Variants in PTCSC3 observed in about 807,000 individuals in gnomAD.
PTCSC3 encodes papillary thyroid carcinoma susceptibility candidate 3, also known as papillary thyroid carcinoma susceptibility candidate 3 (non-protein coding).
chr14:36,149,764 A>T (rs1658339419), intron 3 of PTCSC3, among the ~76,000 whole-genome samples: 1 of 152,196 alleles, frequency 6.6e-6, no homozygotes, highest in Non-Finnish European at 1.5e-5. Flanking sequence ...TCTGAAATCA[A>T]CGTAGCTTCT....
chr14:36,156,387 AC>A (rs1361173034), intron 2 of PTCSC3, among the ~76,000 whole-genome samples: 2 of 152,202 alleles, frequency 1.3e-5, no homozygotes, highest in East Asian at 3.9e-4. Context: ...TTACTTTGTC[AC>A]CAAAAAGAAT....
intron 1 of PTCSC3, chr14:36,164,000 C>A (rs915681365): frequency 6.6e-6 from 1 of 152,126 alleles, no homozygotes; most frequent in Admixed American, 6.5e-5. Context: ...TATATATGCA[C>A]CACATAGATG....
At chr14:36,149,935 AT>A (rs1453837930) in intron 3 of PTCSC3, among the ~76,000 whole-genome samples, 3 of 152,160 alleles carry the variant, frequency 2.0e-5, no homozygotes, top group African/African-American at 4.8e-5. Context: ...TTTGTATTAT[AT>A]TTACAGGTTG....
intron 1 of PTCSC3, among the ~76,000 whole-genome samples, chr14:36,175,243 G>A (rs1882262508): frequency 6.6e-6 from 1 of 152,202 alleles, no homozygotes; most frequent in African/African-American, 2.4e-5. Flanking sequence ...CAGGCACAGA[G>A]CTGAGGCAAT....
At chr14:36,139,119 T>TAAAAAAAAA (rs370864635) in intron 3 of PTCSC3, among the ~76,000 whole-genome samples, 4 of 106,598 alleles carry the variant, frequency 3.8e-5, no homozygotes, top group Non-Finnish European at 5.4e-5. Flanking sequence ...ATCTCAAAAA[T>TAAAAAAAAA]AAAAAAAAAA....
At chr14:36,175,676 G>C (rs1053869179) in intron 1 of PTCSC3, among the ~76,000 whole-genome samples, 81 of 152,200 alleles carry the variant, frequency 5.3e-4, no homozygotes, top group African/African-American at 1.9e-3. Flanking sequence ...CCACTCCTTA[G>C]AGTTATGACT....
chr14:36,159,222 G>A (rs1316638190), intron 2 of PTCSC3, among the ~76,000 whole-genome samples: 1 of 86,492 alleles, frequency 1.2e-5, no homozygotes. Flanking sequence ...TTTTTTGAAG[G>A]GTTTTTTTTG....
At chr14:36,166,895 C>A (rs1357214011) in intron 1 of PTCSC3, among the ~76,000 whole-genome samples, 2 of 152,100 alleles carry the variant, frequency 1.3e-5, no homozygotes, top group Non-Finnish European at 2.9e-5. Flanking sequence ...TGCAGTTCTC[C>A]TAATAGAGTT....
intron 3 of PTCSC3, among the ~76,000 whole-genome samples, chr14:36,148,225 A>G (rs1881633478): frequency 6.6e-6 from 1 of 152,056 alleles, no homozygotes. Flanking sequence ...TGTTTACCTA[A>G]GCAAGCCTGG....
chr14:36,147,954 T>C (rs7152952), intron 3 of PTCSC3, among the ~76,000 whole-genome samples: 1 of 151,888 alleles, frequency 6.6e-6, no homozygotes, highest in Non-Finnish European at 1.5e-5. Flanking sequence ...GCTCGGGGGG[T>C]GCCTCCCAGT....
At chr14:36,167,916 C>T (rs1882121384) in intron 1 of PTCSC3, among the ~76,000 whole-genome samples, 2 of 152,102 alleles carry the variant, frequency 1.3e-5, no homozygotes, top group Admixed American at 1.3e-4. Context: ...GGTATTTACA[C>T]ACCAAGCTTC....
chr14:36,156,560 C>CT (rs2139102146), intron 2 of PTCSC3, among the ~76,000 whole-genome samples: 1 of 152,274 alleles, frequency 6.6e-6, no homozygotes, highest in Admixed American at 6.5e-5. Context: ...TATCTCTCCC[C>CT]TAGCCCCCAA....
In PTCSC3 at chr14:36,152,720, C is replaced by G. The variant is rs181499610; in HGVS notation, n.322+1084G>C. 1.5e-3 allele frequency among the ~76,000 whole-genome samples: 221 copies of G among 151,764 alleles called. 2 individuals are homozygous for G. Among genetic ancestry groups the G allele is most frequent in the African/African-American group, 5.2e-3 (216 of 41,390 alleles). On this transcript the variant is annotated intron_variant and non_coding_transcript_variant, in intron 3 of 3. Transcript: ENST00000556013. Reference sequence around the variant, plus strand: ...ACCAGCATGGCCAACAAGGTGAAACCCTTTCTCTACTAAAAATAAAAAAAA... The same window carrying G: ...ACCAGCATGGCCAACAAGGTGAAACGCTTTCTCTACTAAAAATAAAAAAAA...
rs73256198 is a variant in PTCSC3, at chr14:36,166,312, G to A, written n.172-3629C>T. On this transcript the variant is annotated intron_variant and non_coding_transcript_variant, in intron 1 of 3. Coordinates refer to ENST00000556013, the Ensembl canonical transcript of PTCSC3. ...AATACGCTACAGAGAACGTAAGGAC[G>A]AAACATATTCCTAGCAGAGTGAAAT... Among the ~76,000 whole-genome samples the A allele has an allele frequency of 5.1e-3, 780 of 152,226 alleles. 3 individuals are homozygous for A. The highest frequency in any genetic ancestry group is 0.018 in the African/African-American group (740 of 41,536).
intron 1 of PTCSC3, among the ~76,000 whole-genome samples, chr14:36,170,701 A>C (rs1008254084): frequency 8.5e-5 from 13 of 152,076 alleles, no homozygotes; most frequent in Admixed American, 6.5e-5. Context: ...TGGACTCAAA[A>C]ATTTTTTTAA....
At chr14:36,158,425 C>G (rs905821668) in intron 2 of PTCSC3, among the ~76,000 whole-genome samples, 1 of 152,030 alleles carries the variant, frequency 6.6e-6, no homozygotes, top group East Asian at 1.9e-4. Flanking sequence ...TGAGATACGT[C>G]CCATCAATAC....
At chr14:36,160,492 GT>G (rs1881931562) in intron 2 of PTCSC3, among the ~76,000 whole-genome samples, 1 of 152,160 alleles carries the variant, frequency 6.6e-6, no homozygotes, top group South Asian at 2.1e-4. Flanking sequence ...ACGAAGCTTA[GT>G]TTGGCTAGAT....
At chr14:36,166,650 T>C (rs1882092440) in intron 1 of PTCSC3, among the ~76,000 whole-genome samples, 1 of 152,194 alleles carries the variant, frequency 6.6e-6, no homozygotes, top group African/African-American at 2.4e-5. Context: ...CTCTCTGTGG[T>C]TGCTAGGGAA....
chr14:36,172,923 C>A (rs1469821638), intron 1 of PTCSC3, among the ~76,000 whole-genome samples: 2 of 151,724 alleles, frequency 1.3e-5, no homozygotes, highest in East Asian at 3.8e-4. Context: ...CTCTTGTTAA[C>A]ATAAAAACTT....
Sources: gnomAD v4.1 joint callset for allele counts (sites outside exome capture counted in the v4.1 genomes callset) on GRCh38, gnomAD v4.1.1 for gene constraint, MANE v1.5 for transcripts, NCBI Gene and HGNC (gene_info 2026-07-23, HGNC 2026-07-21) for gene names.